The following MTR variants were observed in gnomAD, a reference collection of about 807,000 sequenced individuals.
The protein encoded by MTR is 5-methyltetrahydrofolate-homocysteine methyltransferase.
A neutral mutation model predicts 154.8 loss-of-function variants in MTR; 84 were observed. That is an observed-to-expected ratio of 0.54 (90% confidence interval 0.45 to 0.65). The LOEUF is 0.65. Ranked by LOEUF, MTR falls within the 30% of genes least tolerant of loss-of-function variation. MTR has a pLI of 0.00. For synonymous variants in MTR, 554 were observed against 553.9 expected (o/e 1.00, Z 0.00); for missense variants, 1,275 against 1,570.2 (o/e 0.81, Z 3.18).
intron 9 of MTR, 64 bp downstream of exon 9, chr1:236,824,283 G>A: frequency 1.6e-6 from 2 of 1,288,272 alleles, no homozygotes; most frequent in Admixed American, 1.7e-5. Flanking sequence ...GCATAGATGA[G>A]GTAAGAGATC....
At chr1:236,832,816 T>TCCCCC in intron 13 of MTR, among the ~76,000 whole-genome samples, 1 of 152,154 alleles carries the variant, frequency 6.6e-6, no homozygotes, top group South Asian at 2.1e-4. Flanking sequence ...GGACCATTTA[T>TCCCCC]TCCCCTTCAT....
intron 24 of MTR, among the ~76,000 whole-genome samples, chr1:236,877,364 A>C (rs575055075): frequency 1.3e-5 from 2 of 152,342 alleles, no homozygotes; most frequent in South Asian, 4.1e-4. Flanking sequence ...CCAGATCAAG[A>C]AATAGAACAC....
rs182439039 is a variant in MTR at position 236,856,695 on chromosome 1, C to T, written c.1954-3138C>T. 3.0e-3 allele frequency among the ~76,000 whole-genome samples: 459 copies of T among 152,146 alleles called. 6 individuals carry two copies. The highest frequency in any genetic ancestry group is 0.011 in the African/African-American group (439 of 41,516). On this transcript the variant is annotated intron_variant, in intron 18 of 32. Transcript: ENST00000366577. ...TCCCTTCCCTAGCTTCCCAACCCCC[C>T]GACAGGCCCTGGTATGTGATGTTCC... is the stretch of plus-strand genomic sequence containing the variant.
At chr1:236,839,002 G>A (rs1357848329) in intron 15 of MTR, among the ~76,000 whole-genome samples, 2 of 152,136 alleles carry the variant, frequency 1.3e-5, no homozygotes, top group Non-Finnish European at 2.9e-5. Context: ...GTATCTAAAC[G>A]TATCGAAACA....
At chr1:236,860,134 G>A (rs547728642) in intron 19 of MTR, among the ~76,000 whole-genome samples, 68 of 128,104 alleles carry the variant, frequency 5.3e-4, no homozygotes, top group African/African-American at 1.9e-3. Context: ...TTTGATTGTC[G>A]TAACTGTGCC....
chr1:236,846,941 C>T (rs143371033), intron 15 of MTR, among the ~76,000 whole-genome samples: 3,029 of 152,200 alleles, frequency 0.02, 121 homozygotes, highest in African/African-American at 0.069. Context: ...GGCTGAAGTG[C>T]GGTGGCGTGA....
chr1:236,835,013 G>A (rs1662824920), intron 13 of MTR, among the ~76,000 whole-genome samples: 1 of 152,234 alleles, frequency 6.6e-6, no homozygotes, highest in East Asian at 1.9e-4. Context: ...AATACTTTCG[G>A]CAGATACTGA....
chr1:236,806,904 A>T (rs1307463528), intron 3 of MTR, among the ~76,000 whole-genome samples: 1 of 152,146 alleles, frequency 6.6e-6, no homozygotes, highest in African/African-American at 2.4e-5. Flanking sequence ...TCCATGTTGT[A>T]GTATGTATCA....
At chr1:236,876,371 G>A (rs1355769538) in intron 24 of MTR, among the ~76,000 whole-genome samples, 1 of 152,198 alleles carries the variant, frequency 6.6e-6, no homozygotes, top group Non-Finnish European at 1.5e-5. Flanking sequence ...AGGAAATGTG[G>A]CAGACTTGGT....
intron 23 of MTR, among the ~76,000 whole-genome samples, chr1:236,874,301 G>A (rs192309658): frequency 6.6e-6 from 1 of 152,118 alleles, no homozygotes; most frequent in Non-Finnish European, 1.5e-5. Context: ...GGGGATGGGC[G>A]CAGTGGCTCA....
At chr1:236,892,974 C>T (rs1381353400) in intron 29 of MTR, among the ~76,000 whole-genome samples, 1 of 152,176 alleles carries the variant, frequency 6.6e-6, no homozygotes, top group Non-Finnish European at 1.5e-5. Context: ...CATACATTAC[C>T]TACCCAGGTA....
intron 16 of MTR, among the ~76,000 whole-genome samples, chr1:236,852,035 T>C (rs1663931919): frequency 6.6e-6 from 1 of 152,184 alleles, no homozygotes; most frequent in Non-Finnish European, 1.5e-5. Flanking sequence ...TGACAAACTG[T>C]CTCCCTAGAT....
chr1:236,829,109 T>C, intron 11 of MTR, 80 bp from the exon 12 acceptor site: 1 of 1,120,510 alleles, frequency 8.9e-7, no homozygotes, highest in African/African-American at 1.6e-5. Context: ...ATTTTATAGT[T>C]AAAATTAGTT....
Position 236,812,863 on chromosome 1 carries a change from A to C in MTR, c.609+19A>C. 1 of 1,602,004 alleles carries C rather than the reference A, an allele frequency of 6.2e-7. No homozygotes were observed. Among genetic ancestry groups the C allele is most frequent in the Non-Finnish European group, 8.6e-7 (1 of 1,169,038 alleles). On this transcript the variant is annotated intron_variant, in intron 6 of 32. Coordinates refer to ENST00000366577, the MANE Select transcript of MTR (RefSeq NM_000254.3). ...TGCCAAGGTGAGTTAAGGGAGAAAA[A>C]ACAGACAAGGCTGGGGTAAGGGCTG...
chr1:236,798,600 CT>C (rs1660535183), intron 1 of MTR, among the ~76,000 whole-genome samples: 1 of 152,180 alleles, frequency 6.6e-6, no homozygotes, highest in Non-Finnish European at 1.5e-5. Flanking sequence ...CTCCTCTGCA[CT>C]GCGGTTATTT....
rs529430607 is a variant in MTR, at chr1:236,891,251, C to T, written c.3126C>T (p.Asp1042=). 4.0e-5 allele frequency: 64 copies of T among 1,614,118 alleles called. No individual in the cohort carries two copies. The highest frequency in any genetic ancestry group is 3.3e-4 in the East Asian group (15 of 44,880). ...TCTGGCCAGCACAGAGTATCCAAGA[C>T]GACATTCACCTGTACGCAGAGGCTG... is the stretch of plus-strand genomic sequence containing the variant. ...VGFWPAQSIQ[D]DIHLYAEAAV... is the part of the protein sequence containing the mutation. The change falls in exon 29 of 33, where the codon GAC becomes GAT. Residue 1042 remains aspartate (D), a synonymous_variant. Coordinates refer to ENST00000366577, the MANE Select transcript of MTR (RefSeq NM_000254.3).
intron 1 of MTR, among the ~76,000 whole-genome samples, chr1:236,796,521 A>G (rs945764746): frequency 2.0e-5 from 3 of 152,190 alleles, no homozygotes; most frequent in Admixed American, 1.3e-4. Context: ...ATCCTATCAC[A>G]TAGTGGGGAT....
At position 236,874,864 on chromosome 1, in the gene MTR, G is replaced by C; in HGVS notation, c.2594+18G>C. ...ACTTCAAAGTAAGTTATACTAATGA[G>C]CTTTGTCCTCACTTCAAATTTTCTT... On this transcript the variant is annotated intron_variant, in intron 24 of 32. Coordinates refer to ENST00000366577, the MANE Select transcript of MTR (RefSeq NM_000254.3). 4 of 1,613,018 alleles carry C rather than the reference G, an allele frequency of 2.5e-6. No homozygotes were observed. The highest frequency in any genetic ancestry group is 3.4e-6 in the Non-Finnish European group (4 of 1,179,248).
chr1:236,858,181 G>A (rs965516575), intron 18 of MTR, among the ~76,000 whole-genome samples: 81 of 152,140 alleles, frequency 5.3e-4, no homozygotes, highest in African/African-American at 1.8e-3. Context: ...AAGAAAAGGA[G>A]GTTTAATGGA....
Sources: gnomAD v4.1 joint callset for allele counts (sites outside exome capture counted in the v4.1 genomes callset) on GRCh38, gnomAD v4.1.1 for gene constraint, MANE v1.5 for transcripts, NCBI Gene and HGNC (gene_info 2026-07-23, HGNC 2026-07-21) for gene names.